ESR1: variants seen among roughly 807,000 people sequenced by gnomAD.
The protein encoded by ESR1 is estrogen receptor.
In ESR1, 12 loss-of-function variants were observed where a neutral mutation model predicts 52.7. That is an observed-to-expected ratio of 0.23 (90% CI 0.15 to 0.37). The LOEUF is 0.37. Ranked by LOEUF, ESR1 falls within the 10% of genes least tolerant of loss-of-function variation. The pLI is 1.00. For synonymous variants in ESR1, 305 were observed against 316.8 expected (o/e 0.96, Z 0.39); for missense variants, 584 against 779.7 (o/e 0.75, Z 2.99).
intron 2 of ESR1, among the ~76,000 whole-genome samples, chr6:151,756,848 G>A (rs1170592622): frequency 1.3e-5 from 2 of 152,072 alleles, no homozygotes; most frequent in Non-Finnish European, 2.9e-5. Flanking sequence ...AAATTAGCTG[G>A]GTGTGGTGGT....
At chr6:151,895,249 A>G (rs913696658) in intron 3 of ESR1, among the ~76,000 whole-genome samples, 1 of 150,022 alleles carries the variant, frequency 6.7e-6, no homozygotes, top group Admixed American at 6.7e-5. Context: ...TTAATTTTGT[A>G]TCCTGAAACT....
chr6:151,818,748 A>G (rs1003868928), intron 1 of ESR1, among the ~76,000 whole-genome samples: 1 of 151,898 alleles, frequency 6.6e-6, no homozygotes, highest in African/African-American at 2.4e-5. Context: ...TGGGCTTTCA[A>G]ACTCTAATTA....
chr6:151,921,218 G>T (rs2031595008), intron 3 of ESR1, among the ~76,000 whole-genome samples: 1 of 152,072 alleles, frequency 6.6e-6, no homozygotes, highest in Admixed American at 6.6e-5. Flanking sequence ...GTTTGCTGAG[G>T]ATAATGGCTT....
chr6:152,074,849 C>T (rs1443612477), intron 6 of ESR1, among the ~76,000 whole-genome samples: 4 of 152,132 alleles, frequency 2.6e-5, no homozygotes, highest in East Asian at 1.9e-4. Flanking sequence ...TCACATGGAG[C>T]ATCTTTTAAT....
chr6:151,966,020 C>T (rs535278857), intron 4 of ESR1, among the ~76,000 whole-genome samples: 5 of 152,128 alleles, frequency 3.3e-5, no homozygotes, highest in Admixed American at 3.3e-4. Flanking sequence ...TTTGCTGTGC[C>T]TTACCTCATC....
rs574970947 is a variant in ESR1, at chr6:151,728,495, T to C, written c.-71+26490T>C. On this transcript the variant is annotated intron_variant, in intron 2 of 2. Coordinates refer to the ESR1 transcript ENST00000404742. ...ACCTTGAATAATTTTCAAACTCATT[T>C]ATGATATCTGAAATATTCAATGACT... Among the ~76,000 whole-genome samples, 4 of 152,372 alleles carry C rather than the reference T, an allele frequency of 2.6e-5. No individual in the cohort carries two copies. The East Asian group carries it at 7.7e-4, about 29-fold the overall frequency.
At chr6:151,929,183 G>A (rs1424872462) in intron 3 of ESR1, among the ~76,000 whole-genome samples, 1 of 152,092 alleles carries the variant, frequency 6.6e-6, no homozygotes, top group Non-Finnish European at 1.5e-5. Context: ...ATAATGGTTT[G>A]GGCTTGTCTA....
At chr6:151,970,207 A>C (rs1401205201) in intron 4 of ESR1, among the ~76,000 whole-genome samples, 1 of 152,124 alleles carries the variant, frequency 6.6e-6, no homozygotes, top group Non-Finnish European at 1.5e-5. Context: ...TCAGTAAATA[A>C]GGTTAAGGAA....
At chr6:151,702,219 T>C (rs1018555682) in intron 2 of ESR1, among the ~76,000 whole-genome samples, 3 of 152,190 alleles carry the variant, frequency 2.0e-5, no homozygotes, top group African/African-American at 7.2e-5. Flanking sequence ...ATCTGTGCAC[T>C]ACCACCATTT....
At chr6:151,886,114 T>C (rs1214012520) in intron 3 of ESR1, among the ~76,000 whole-genome samples, 1 of 152,118 alleles carries the variant, frequency 6.6e-6, no homozygotes, top group East Asian at 1.9e-4. Flanking sequence ...TTCTAATTTC[T>C]TTGTGGAGAA....
chr6:151,878,732 C>T (rs983035480), intron 2 of ESR1, among the ~76,000 whole-genome samples: 4 of 152,132 alleles, frequency 2.6e-5, no homozygotes, highest in African/African-American at 9.7e-5. Context: ...CAATAGTATA[C>T]ATAACTTCCT....
At chr6:151,970,052 C>T (rs142148993) in intron 4 of ESR1, among the ~76,000 whole-genome samples, 39 of 152,136 alleles carry the variant, frequency 2.6e-4, no homozygotes, top group East Asian at 1.2e-3. Flanking sequence ...GCCTTCTAGA[C>T]GCTTCACCTT....
At chr6:151,709,382 G>C (rs1397089362) in intron 2 of ESR1, among the ~76,000 whole-genome samples, 3 of 152,108 alleles carry the variant, frequency 2.0e-5, no homozygotes, top group Non-Finnish European at 4.4e-5. Flanking sequence ...CCATTCATCT[G>C]TTGATGGATA....
chr6:151,956,839 A>AACATATATAT (rs2036996050), intron 4 of ESR1, among the ~76,000 whole-genome samples: 1 of 114,244 alleles, frequency 8.8e-6, no homozygotes, highest in African/African-American at 4.3e-5. Flanking sequence ...TATAAATATA[A>AACATATATAT]ATAAATATAT....
intron 2 of ESR1, among the ~76,000 whole-genome samples, chr6:151,732,269 TA>T (rs939224306): frequency 1.3e-5 from 2 of 152,094 alleles, no homozygotes; most frequent in African/African-American, 2.4e-5. Flanking sequence ...TTACATTATA[TA>T]AAAAAAGTAT....
upstream of ESR1, among the ~76,000 whole-genome samples, chr6:151,802,731 A>G (rs903582068): frequency 2.0e-5 from 3 of 152,198 alleles, no homozygotes; most frequent in South Asian, 2.1e-4. Flanking sequence ...GCTCATGCCT[A>G]TAATCCCAGC....
intron 6 of ESR1, chr6:152,122,281 G>T: frequency 8.7e-7 from 1 of 1,150,330 alleles, no homozygotes; most frequent in Non-Finnish European, 1.3e-6. Context: ...CACCTCTGAA[G>T]CCATAATTTG....
chr6:152,050,287 G>A (rs1465940801), intron 5 of ESR1, among the ~76,000 whole-genome samples: 2 of 152,086 alleles, frequency 1.3e-5, no homozygotes, highest in Admixed American at 6.5e-5. Flanking sequence ...AAACTCTCAG[G>A]GAAGATAGCA....
chr6:151,875,369 C>T (rs1791632593), intron 2 of ESR1, among the ~76,000 whole-genome samples: 1 of 152,176 alleles, frequency 6.6e-6, no homozygotes, highest in Non-Finnish European at 1.5e-5. Flanking sequence ...CCCAGTCATC[C>T]CCCTCAGGAG....
Sources: allele counts gnomAD v4.1 joint callset (sites outside exome capture counted in the v4.1 genomes callset), GRCh38; gene constraint gnomAD v4.1.1; transcripts MANE v1.5; gene names NCBI Gene and HGNC (gene_info 2026-07-23, HGNC 2026-07-21).